NGEF: variants seen among roughly 807,000 people sequenced by gnomAD.
NGEF encodes neuronal guanine nucleotide exchange factor.
Under a neutral mutation model 80.9 loss-of-function variants are expected in NGEF, and 31 were observed. The observed-to-expected ratio is 0.38, with a 90% CI of 0.29 to 0.52. NGEF has a LOEUF of 0.52. Ranked by LOEUF, NGEF falls within the 20% of genes least tolerant of loss-of-function variation. NGEF has a pLI of 0.84. For synonymous variants in NGEF, 371 were observed against 370.2 expected (o/e 1.00, Z -0.03); for missense variants, 709 against 926.2 (o/e 0.77, Z 3.04).
At chr2:232,928,078 G>T (rs1693123943) in intron 3 of NGEF, 2 of 1,125,652 alleles carry the variant, frequency 1.8e-6, no homozygotes, top group Non-Finnish European at 2.2e-6. Flanking sequence ...GGCGACTAGC[G>T]GGCTGCGGAG....
chr2:232,921,869 GA>G (rs1041138800), intron 4 of NGEF, among the ~76,000 whole-genome samples: 22 of 152,320 alleles, frequency 1.4e-4, no homozygotes, highest in African/African-American at 5.1e-4. Context: ...GAAGGACTGG[GA>G]AGGGGATGAA....
chr2:232,959,006 C>G (rs1453297815), intron 3 of NGEF, among the ~76,000 whole-genome samples: 1 of 152,086 alleles, frequency 6.6e-6, no homozygotes, highest in Non-Finnish European at 1.5e-5. Context: ...AACTACAATA[C>G]CATTAGCATG....
intron 3 of NGEF, among the ~76,000 whole-genome samples, chr2:232,957,887 C>G (rs1049752833): frequency 2.0e-5 from 3 of 152,208 alleles, no homozygotes; most frequent in African/African-American, 7.2e-5. Flanking sequence ...AGGGGAAAAA[C>G]ATTTAGAACT....
chr2:232,982,074 C>G (rs1026960928), intron 1 of NGEF, among the ~76,000 whole-genome samples: 1 of 152,162 alleles, frequency 6.6e-6, no homozygotes, highest in South Asian at 2.1e-4. Context: ...GTGACTGGGA[C>G]TGGGGGAGCT....
rs368480716 is a variant in NGEF, at chr2:232,967,397, T to C, written c.383+2817A>G. ...TCGCCCAGGCTGGTGTGCAGTGGCA[T>C]GATCTCAGCTCACTGCAACCTCCGC... On this transcript the variant is annotated intron_variant, in intron 3 of 14. Coordinates refer to ENST00000264051, the MANE Select transcript of NGEF (RefSeq NM_019850.3). Among the ~76,000 whole-genome samples, 11 of 152,242 alleles carry C rather than the reference T, an allele frequency of 7.2e-5. 2 individuals carry two copies. The highest frequency in any genetic ancestry group is 2.4e-4 in the African/African-American group (10 of 41,548).
chr2:233,003,919 G>A (rs1053368041), intron 1 of NGEF, among the ~76,000 whole-genome samples: 3 of 152,154 alleles, frequency 2.0e-5, no homozygotes, highest in African/African-American at 4.8e-5. Context: ...GGCCCTTGTT[G>A]TGTGGCCCCT....
chr2:232,889,670 A>G (rs979991065), intron 8 of NGEF, among the ~76,000 whole-genome samples: 1 of 152,198 alleles, frequency 6.6e-6, no homozygotes, highest in African/African-American at 2.4e-5. Context: ...TGCGTTCATC[A>G]CAGGTGTCTT....
At chr2:232,970,667 T>A (rs1464451018) in intron 2 of NGEF, among the ~76,000 whole-genome samples, 1 of 151,958 alleles carries the variant, frequency 6.6e-6, no homozygotes, top group African/African-American at 2.4e-5. Flanking sequence ...ATACAAAAAT[T>A]AGCCGGGTGT....
chr2:232,992,663 T>G (rs927074037), intron 1 of NGEF, among the ~76,000 whole-genome samples: 2 of 151,830 alleles, frequency 1.3e-5, no homozygotes, highest in African/African-American at 2.4e-5. Flanking sequence ...TATAAAGAAC[T>G]CATACAACTC....
intron 5 of NGEF, among the ~76,000 whole-genome samples, chr2:232,914,067 T>G (rs899999316): frequency 4.6e-5 from 7 of 152,264 alleles, no homozygotes; most frequent in African/African-American, 1.7e-4. Flanking sequence ...CTACAGCCCA[T>G]GGGCTGGCCA....
At chr2:233,002,742 C>T (rs962027089) in intron 1 of NGEF, among the ~76,000 whole-genome samples, 9 of 152,348 alleles carry the variant, frequency 5.9e-5, no homozygotes, top group South Asian at 2.1e-4. Context: ...GAAATGACCT[C>T]GGTAAGCCAG....
intron 1 of NGEF, among the ~76,000 whole-genome samples, chr2:232,976,595 A>T (rs1436975836): frequency 1.3e-5 from 2 of 152,202 alleles, no homozygotes; most frequent in Non-Finnish European, 2.9e-5. Context: ...CTTCCGACAC[A>T]GGTTTGTATC....
At chr2:232,899,053 T>G (rs1227500882) in intron 5 of NGEF, among the ~76,000 whole-genome samples, 1 of 151,738 alleles carries the variant, frequency 6.6e-6, no homozygotes, top group Non-Finnish European at 1.5e-5. Flanking sequence ...TGTGGATGTG[T>G]GGATGTGTGT....
intron 3 of NGEF, among the ~76,000 whole-genome samples, chr2:232,963,256 A>G (rs1693989195): frequency 1.3e-5 from 2 of 152,066 alleles, no homozygotes; most frequent in Middle Eastern, 3.4e-3. Flanking sequence ...GTCTACGGTC[A>G]TTGGACTTTT....
chr2:232,917,934 C>A (rs577063171), intron 5 of NGEF, among the ~76,000 whole-genome samples: 34 of 151,920 alleles, frequency 2.2e-4, no homozygotes, highest in Non-Finnish European at 3.4e-4. Flanking sequence ...ACACTATACC[C>A]GGCTAATTAA....
At chr2:232,890,990 T>TC in intron 8 of NGEF, 1 of 479,132 alleles carries the variant, frequency 2.1e-6, no homozygotes, top group Non-Finnish European at 4.3e-6. Flanking sequence ...TGTTCTTTCC[T>TC]CTACCTGCCC....
At chr2:232,969,453 C>CCTTCCTTCCTTCCTTCCTTCCTT (rs1167964968) in intron 3 of NGEF, among the ~76,000 whole-genome samples, 3 of 80,476 alleles carry the variant, frequency 3.7e-5, no homozygotes, top group African/African-American at 1.9e-4. Context: ...CCCTCCCCTT[C>CCTTCCTTCCTTCCTTCCTTCCTT]CTTCCTTCCT....
rs1434280488 is a variant in NGEF, at chr2:232,995,343, T to C, written c.-75+17725A>G. 9.4e-5 allele frequency among the ~76,000 whole-genome samples: 2 copies of C among 21,260 alleles called. 1 individual carries two copies. 13.9% of individuals were successfully genotyped at this position (21,260 alleles called of 152,430 possible). On this transcript the variant is annotated intron_variant, in intron 1 of 14. Coordinates refer to ENST00000264051, the MANE Select transcript of NGEF (RefSeq NM_019850.3). ...ATATGTGTACAGTATGTATACTATA[T>C]ACAGTATGTATACTGTATACTGTAT...
chr2:232,888,232 ACACACGCACGCACG>A, intron 8 of NGEF, 125 bp from the exon 9 acceptor site: 1 of 635,568 alleles, frequency 1.6e-6, no homozygotes, highest in Non-Finnish European at 2.8e-6. Context: ...GCACACACAC[ACACACGCACGCACG>A]CACACGCATA....
Sources: gnomAD v4.1 joint callset for allele counts (sites outside exome capture counted in the v4.1 genomes callset) on GRCh38, gnomAD v4.1.1 for gene constraint, MANE v1.5 for transcripts, NCBI Gene and HGNC (gene_info 2026-07-23, HGNC 2026-07-21) for gene names.